LRP2: variants seen among roughly 807,000 people sequenced by gnomAD.
The protein encoded by LRP2 is LDL receptor related protein 2, also known as low-density lipoprotein receptor-related protein 2.
Under a neutral mutation model 531.0 loss-of-function variants are expected in LRP2, and 172 were observed. The ratio of observed to expected loss-of-function variants is 0.32; its 90% CI spans 0.29 to 0.37. The LOEUF (loss-of-function observed/expected upper bound fraction) is 0.37. LRP2 is among the 10% of genes least tolerant of loss of function. The pLI is 1.00. For missense variants in LRP2, 5,167 were observed against 5,868.3 expected, an observed-to-expected ratio of 0.88 and a Z score of 3.90; for synonymous variants, 1,992 against 2,027.6, an observed-to-expected ratio of 0.98 and a Z score of 0.47.
chr2:169,162,457 CA>C lies in LRP2; in HGVS notation c.11887+14del. On this transcript the variant is annotated intron_variant, in intron 63 of 78. Transcript: ENST00000649046. ...GAGTTACTACAATGAACTATAAAAA[CA>C]AGTGTTTACTTACTGCAACCCAGTT... 6.2e-7 allele frequency: 1 copy of C among 1,613,902 alleles called. No individual in the cohort carries two copies. The highest frequency in any genetic ancestry group is 8.5e-7 in the Non-Finnish European group (1 of 1,179,888).
intron 30 of LRP2, 90 bp downstream of exon 30, chr2:169,233,321 A>G (rs914483322): frequency 1.4e-6 from 2 of 1,426,088 alleles, no homozygotes; most frequent in Admixed American, 1.7e-5. Flanking sequence ...TTGTCCAAAC[A>G]AATGGGTCTG....
chr2:169,279,816 CT>C (rs1683652666), intron 11 of LRP2, among the ~76,000 whole-genome samples: 1 of 152,064 alleles, frequency 6.6e-6, no homozygotes, highest in Non-Finnish European at 1.5e-5. Context: ...TTAAGAGTTT[CT>C]GAAATTTATG....
chr2:169,337,213 C>T (rs1385345545), intron 1 of LRP2, among the ~76,000 whole-genome samples: 1 of 152,162 alleles, frequency 6.6e-6, no homozygotes, highest in African/African-American at 2.4e-5. Flanking sequence ...GGTGTTTGCA[C>T]TTTCAGCAGA....
chr2:169,148,645 ATTC>A (rs1686009625), intron 68 of LRP2, among the ~76,000 whole-genome samples: 2 of 152,186 alleles, frequency 1.3e-5, no homozygotes, highest in South Asian at 4.1e-4. Context: ...AAATTAATTA[ATTC>A]AATTTAATTT....
intron 76 of LRP2, among the ~76,000 whole-genome samples, chr2:169,136,872 T>G (rs1332296157): frequency 6.6e-6 from 1 of 152,166 alleles, no homozygotes; most frequent in African/African-American, 2.4e-5. Context: ...CCATCAACTC[T>G]AGAGACCTTT....
At position 169,272,963 on chromosome 2, in the gene LRP2, C is replaced by G. The variant is rs368997664; in HGVS notation, c.2080G>C (p.Gly694Arg). ...CGCTCATCTGTATCCAGTTGGAAGCCGAATGTGCACTTGCAACGGAAACCC... is the reference window on the plus strand; with the variant it reads ...CGCTCATCTGTATCCAGTTGGAAGCGGAATGTGCACTTGCAACGGAAACCC... ...GLGFRCKCTF[G>R]FQLDTDERHC... The change falls in exon 15 of 79, where the codon GGC becomes CGC. Residue 694 changes from glycine (G) to arginine (R), a missense_variant. This residue lies in a region of LRP2 where 2,811 missense variants were observed against 3,058.0 expected (regional missense o/e 0.92). Coordinates refer to ENST00000649046, the MANE Select transcript of LRP2 (RefSeq NM_004525.3). 6.2e-7 allele frequency: 1 copy of G among 1,613,680 alleles called. No individual in the cohort carries two copies. The highest frequency in any genetic ancestry group is 8.5e-7 in the Non-Finnish European group (1 of 1,179,750).
intron 67 of LRP2, 38 bp downstream of exon 67, chr2:169,152,761 A>C (rs1377042767): frequency 6.2e-7 from 1 of 1,613,032 alleles, no homozygotes. Flanking sequence ...TAACCAGGAA[A>C]ACAGAACAGG....
At chr2:169,226,380 T>A (rs552243223) in intron 32 of LRP2, 42 bp downstream of exon 32, 13 of 1,538,408 alleles carry the variant, frequency 8.5e-6, no homozygotes, top group African/African-American at 5.5e-5. Context: ...GGCAGGCTCT[T>A]CAAGAATAAA....
At chr2:169,308,784 T>C (rs1684501870) in intron 3 of LRP2, among the ~76,000 whole-genome samples, 1 of 152,220 alleles carries the variant, frequency 6.6e-6, no homozygotes, top group South Asian at 2.1e-4. Context: ...TCTAGATCCT[T>C]GAGGAATCGC....
intron 4 of LRP2, among the ~76,000 whole-genome samples, chr2:169,304,843 A>G (rs1684372667): frequency 1.3e-5 from 2 of 152,204 alleles, no homozygotes; most frequent in East Asian, 1.9e-4. Flanking sequence ...GACTGGATAA[A>G]GAAAATGTAG....
rs771774926 is a variant in LRP2, at chr2:169,157,327, A to C, written c.12019+44T>G. The C allele has an allele frequency of 5.6e-6, 9 of 1,596,340 alleles. No homozygotes were observed. The African/African-American group carries it at 1.2e-4, about 21-fold the overall frequency. On this transcript the variant is annotated intron_variant, in intron 64 of 78. Coordinates refer to ENST00000649046, the MANE Select transcript of LRP2 (RefSeq NM_004525.3). ...AAGGGGAGTGGGTGGAGAACCTTAG[A>C]TGTAAAGTTCACCTAAACAGGAATT...
chr2:169,168,448 A>G, intron 61 of LRP2, 91 bp downstream of exon 61: 1 of 1,501,528 alleles, frequency 6.7e-7, no homozygotes, highest in Non-Finnish European at 9.3e-7. Flanking sequence ...CAATTGTACA[A>G]CTGCTCTCCA....
chr2:169,305,679 A>C (rs960719849), intron 4 of LRP2, among the ~76,000 whole-genome samples: 25 of 152,238 alleles, frequency 1.6e-4, no homozygotes, highest in Non-Finnish European at 3.5e-4. Flanking sequence ...TTGAAGTTTG[A>C]AATATAAATT....
intron 49 of LRP2, among the ~76,000 whole-genome samples, chr2:169,186,780 A>G (rs887697797): frequency 6.6e-6 from 1 of 152,192 alleles, no homozygotes; most frequent in African/African-American, 2.4e-5. Flanking sequence ...TTTGGATGAG[A>G]CCTACTGAGA....
intron 63 of LRP2, among the ~76,000 whole-genome samples, chr2:169,160,115 C>T (rs1686517190): frequency 6.6e-6 from 1 of 152,128 alleles, no homozygotes; most frequent in Non-Finnish European, 1.5e-5. Flanking sequence ...GGAATAAGAA[C>T]TACCAGAGAA....
At chr2:169,194,716 C>CTTT (rs869249150) in intron 46 of LRP2, among the ~76,000 whole-genome samples, 2,542 of 102,884 alleles carry the variant, frequency 0.025, 28 homozygotes, top group East Asian at 0.052. Flanking sequence ...TTGATCCAGA[C>CTTT]TTTTTTTTTT....
intron 12 of LRP2, among the ~76,000 whole-genome samples, 167 bp from the exon 13 acceptor site, chr2:169,278,118 T>G (rs1452747838): frequency 6.6e-6 from 1 of 151,520 alleles, no homozygotes; most frequent in South Asian, 2.1e-4. Context: ...AAAGAGACTG[T>G]GGGGGTCAGT....
At chr2:169,286,667 T>C (rs1232341272) in intron 9 of LRP2, among the ~76,000 whole-genome samples, 2 of 152,198 alleles carry the variant, frequency 1.3e-5, no homozygotes, top group African/African-American at 4.8e-5. Flanking sequence ...GGAAAATGTG[T>C]TATCTGGGCT....
chr2:169,324,483 G>T (rs1356742191), intron 1 of LRP2, among the ~76,000 whole-genome samples: 4 of 152,152 alleles, frequency 2.6e-5, no homozygotes, highest in Admixed American at 1.3e-4. Context: ...GACTAACATA[G>T]CATTAAAAAA....
Sources: gnomAD v4.1 joint callset for allele counts (sites outside exome capture counted in the v4.1 genomes callset) on GRCh38, gnomAD v4.1.1 for gene constraint, gnomAD v4.1.1 regional missense constraint, MANE v1.5 for transcripts, NCBI Gene and HGNC (gene_info 2026-07-23, HGNC 2026-07-21) for gene names.